The following PIK3R2 variants were observed in gnomAD, a reference collection of about 807,000 sequenced individuals.
PIK3R2 encodes the protein phosphatidylinositol 3-kinase regulatory subunit beta.
A neutral mutation model predicts 78.5 loss-of-function variants in PIK3R2; 40 were observed. The ratio of observed to expected loss-of-function variants is 0.51; its 90% CI spans 0.40 to 0.66. The LOEUF (loss-of-function observed/expected upper bound fraction) is 0.66. Among genes scored for constraint, PIK3R2 ranks in the 30% least tolerant of loss-of-function variants. PIK3R2 has a pLI of 0.00. For missense variants in PIK3R2, 880 were observed against 1,026.6 expected (o/e 0.86, Z 1.95); for synonymous variants, 473 against 457.7 (o/e 1.03, Z -0.43).
Position 18,169,359 on chromosome 19 carries a change from G to A in PIK3R2, c.*65G>A. On this transcript the variant is annotated 3_prime_UTR_variant, in exon 16 of 16. Transcript: ENST00000222254. ...CGTCTGCGCCGGAGGCTGCGGCGGC[G>A]GGAGCCACGGACCAGACCAGCCACA... The A allele has an allele frequency of 7.1e-6, 7 of 982,380 alleles. No individual in the cohort carries two copies. The highest frequency in any genetic ancestry group is 6.6e-6 in the Non-Finnish European group (5 of 756,898). The allele number at this position is 982,380 out of a possible 1,614,324, so 60.9% of individuals were successfully genotyped here. A position where few individuals can be genotyped will look rare whatever the true frequency, so the allele number is the denominator to read the frequency against.
rs2043744952 is a variant in PIK3R2, at chr19:18,161,444, T to TGCGCGCGCCGCCGCCGCC, written c.766_783dup (p.Arg256_Pro261dup). Reference sequence around the variant, plus strand: ...GGCGCCACCTTTGGGCCGCTGCTGCTGCGCGCGCCGCCGCCGCCGTCCTCG... The same window carrying TGCGCGCGCCGCCGCCGCC: ...GGCGCCACCTTTGGGCCGCTGCTGCTGCGCGCGCCGCCGCCGCCGCGCGCGCCGCCGCCGCCGTCCTCG... On this transcript the variant is annotated inframe_insertion, in exon 6 of 16. Transcript: ENST00000222254. The surrounding 1 kb of genome is among the most constrained non-coding windows in gnomAD (Gnocchi z 5.3). 1 of 1,200,148 alleles carries TGCGCGCGCCGCCGCCGCC rather than the reference T, an allele frequency of 8.3e-7. No homozygotes were observed. The highest frequency in any genetic ancestry group is 4.5e-5 in the Admixed American group (1 of 22,104). The allele number at this position is 1,200,148 out of a possible 1,614,324, so 74.3% of individuals were successfully genotyped here. A position where few individuals can be genotyped will look rare whatever the true frequency, so the allele number is the denominator to read the frequency against.
At chr19:18,162,901 A>C in intron 9 of PIK3R2, 66 bp from the exon 10 acceptor site, 2 of 1,445,158 alleles carry the variant, frequency 1.4e-6, no homozygotes, top group South Asian at 1.3e-5. Flanking sequence ...TCAAAAAAAA[A>C]GGGGACAGGG....
chr19:18,167,133 C>G lies in PIK3R2; in HGVS notation c.1563C>G (p.Ile521Met). 6.3e-7 allele frequency: 1 copy of G among 1,578,470 alleles called. No homozygotes were observed. Among genetic ancestry groups the G allele is most frequent in the Non-Finnish European group, 8.6e-7 (1 of 1,160,358 alleles). Reference protein sequence around the residue: ...REGNEKEMQRILLNSERLKSR... With the variant: ...REGNEKEMQRMLLNSERLKSR... ...CGCCACCCCACCCCTCCCACAGGAT[C>G]CTGCTGAACTCCGAGCGGCTCAAGT... The change falls in exon 13 of 16, where the codon ATC (isoleucine) becomes ATG (methionine). Residue 521 changes from isoleucine (I) to methionine (M), a missense_variant. By Grantham distance (10) the Ile-to-Met change is conservative. Transcript: ENST00000222254. This position sits in a 1 kb window ranked among gnomAD's most constrained non-coding sequence, Gnocchi z 4.5.
chr19:18,158,585 T>G (rs1599966931), intron 2 of PIK3R2, among the ~76,000 whole-genome samples: 1 of 151,186 alleles, frequency 6.6e-6, no homozygotes, highest in African/African-American at 2.4e-5. Context: ...TGAGCTAGGA[T>G]TGCGCCACTG....
At position 18,170,244 on chromosome 19, in the gene PIK3R2, C is replaced by T. The variant is rs140369571; in HGVS notation, c.*950C>T. The T allele has an allele frequency of 1.3e-5, 2 of 152,620 alleles. No individual in the cohort carries two copies. The highest frequency in any genetic ancestry group is 2.4e-5 in the African/African-American group (1 of 41,554). The allele number at this position is 152,620 out of a possible 1,614,324, so 9.5% of individuals were successfully genotyped here. On this transcript the variant is annotated 3_prime_UTR_variant, in exon 16 of 16. Coordinates refer to ENST00000222254, the MANE Select transcript of PIK3R2 (RefSeq NM_005027.4). ...AAATAAATAAACTTGTGAGCTGGCCCCAACCCCTCCTAGGAATCACAGCTC... is the reference window on the plus strand; with the variant it reads ...AAATAAATAAACTTGTGAGCTGGCCTCAACCCCTCCTAGGAATCACAGCTC...
chr19:18,165,247 C>T (rs775132988), intron 11 of PIK3R2, among the ~76,000 whole-genome samples: 7 of 151,404 alleles, frequency 4.6e-5, no homozygotes, highest in Non-Finnish European at 8.8e-5. Context: ...CACCTGTAAT[C>T]GCAGCTACTC....
chr19:18,167,069 G>A lies in PIK3R2; in HGVS notation c.1560-61G>A. 2.1e-6 allele frequency: 3 copies of A among 1,417,020 alleles called. No homozygotes were observed. Among genetic ancestry groups the A allele is most frequent in the Non-Finnish European group, 2.8e-6 (3 of 1,068,784 alleles). 87.8% of individuals were successfully genotyped at this position (1,417,020 alleles called of 1,614,324 possible). ...GAGGGTCACCTGAGCCCAGGAGTTT[G>A]AGGGTGCAGTGAGCCGAGATAAAAC... is the stretch of plus-strand genomic sequence containing the variant. On this transcript the variant is annotated intron_variant, in intron 12 of 15. Coordinates refer to ENST00000222254, the MANE Select transcript of PIK3R2 (RefSeq NM_005027.4). This position sits in a 1 kb window ranked among gnomAD's most constrained non-coding sequence, Gnocchi z 4.5.
In PIK3R2 at chr19:18,167,485, T is replaced by G. The variant is rs1467187392; in HGVS notation, c.1736+179T>G. 6.6e-6 allele frequency among the ~76,000 whole-genome samples: 1 copy of G among 152,146 alleles called. No homozygotes were observed. The highest frequency in any genetic ancestry group is 1.5e-5 in the Non-Finnish European group (1 of 68,020). ...GTTTTCCCATAGGTCAGCCTCAGCTTAGTCAGAGGTGTGTGCAATGGGAGT... is the reference window on the plus strand; with the variant it reads ...GTTTTCCCATAGGTCAGCCTCAGCTGAGTCAGAGGTGTGTGCAATGGGAGT... On this transcript the variant is annotated intron_variant, in intron 13 of 15. Transcript: ENST00000222254. This position sits in a 1 kb window ranked among gnomAD's most constrained non-coding sequence, Gnocchi z 4.5.
chr19:18,169,526 G>T lies in PIK3R2; in HGVS notation c.*232G>T. 3.0e-6 allele frequency: 1 copy of T among 334,102 alleles called. No homozygotes were observed. Among genetic ancestry groups the T allele is most frequent in the Non-Finnish European group, 5.5e-6 (1 of 183,192 alleles). 20.7% of individuals were successfully genotyped at this position (334,102 alleles called of 1,614,324 possible). ...CTTGGCCCCTGTCTCTCTCCATGTT[G>T]GGGGTCCTAACTCCCCCACCCCATA... On this transcript the variant is annotated 3_prime_UTR_variant, in exon 16 of 16. Coordinates refer to ENST00000222254, the MANE Select transcript of PIK3R2 (RefSeq NM_005027.4).
In PIK3R2 at chr19:18,161,898, C is replaced by G; in HGVS notation, c.816-68C>G. The G allele has an allele frequency of 1.5e-6, 2 of 1,337,628 alleles. No homozygotes were observed. Among genetic ancestry groups the G allele is most frequent in the Non-Finnish European group, 2.2e-6 (2 of 930,142 alleles). 82.9% of individuals were successfully genotyped at this position (1,337,628 alleles called of 1,614,324 possible). A position where few individuals can be genotyped will look rare whatever the true frequency, so the allele number is the denominator to read the frequency against. ...ACCCCCAGGCGTGCAAGCGCACGCA[C>G]AATCCTGTGCACATGCGTGGGCGGA... is the stretch of plus-strand genomic sequence containing the variant. On this transcript the variant is annotated intron_variant, in intron 6 of 15. Coordinates refer to ENST00000222254, the MANE Select transcript of PIK3R2 (RefSeq NM_005027.4). The surrounding 1 kb of genome is among the most constrained non-coding windows in gnomAD (Gnocchi z 5.3).
In PIK3R2 at chr19:18,156,761, C is replaced by G. The variant is rs2043682611; in HGVS notation, c.322+560C>G. 6.6e-6 allele frequency among the ~76,000 whole-genome samples: 1 copy of G among 152,136 alleles called. No homozygotes were observed. The highest frequency in any genetic ancestry group is 2.4e-5 in the African/African-American group (1 of 41,414). On this transcript the variant is annotated intron_variant, in intron 2 of 15. Coordinates refer to ENST00000222254, the MANE Select transcript of PIK3R2 (RefSeq NM_005027.4). This position sits in a 1 kb window ranked among gnomAD's most constrained non-coding sequence, Gnocchi z 4.2. ...AGGATGTGGGCTGCTCAGCTGAGGCCACACAGCACAGTGGGATATGAGGAC... is the reference window on the plus strand; with the variant it reads ...AGGATGTGGGCTGCTCAGCTGAGGCGACACAGCACAGTGGGATATGAGGAC...
In PIK3R2 at chr19:18,161,289, G is replaced by A; in HGVS notation, c.609G>A (p.Gly203=). 1.4e-6 allele frequency: 2 copies of A among 1,387,820 alleles called. No individual in the cohort carries two copies. Among genetic ancestry groups the A allele is most frequent in the Non-Finnish European group, 1.9e-6 (2 of 1,078,990 alleles). The allele number at this position is 1,387,820 out of a possible 1,614,324, so 86.0% of individuals were successfully genotyped here. ...GCCATCTGTCCGCAGAGGCCGCGGG[G>A]CCCGTGGGGCCGGCGCTGGAGCCAC... is the stretch of plus-strand genomic sequence containing the variant. ...EARRALREAA[G]PVGPALEPPT... is the part of the protein sequence containing the mutation. The change falls in exon 6 of 16, where the codon GGG becomes GGA. Residue 203 remains glycine, a synonymous_variant. Transcript: ENST00000222254. This position sits in a 1 kb window ranked among gnomAD's most constrained non-coding sequence, Gnocchi z 5.3.
In PIK3R2 at chr19:18,166,312, G is replaced by A. The variant is rs562886046; in HGVS notation, c.1559+10G>A. 1.2e-6 allele frequency: 2 copies of A among 1,612,358 alleles called. No homozygotes were observed. The highest frequency in any genetic ancestry group is 2.7e-5 in the African/African-American group (2 of 75,002). On this transcript the variant is annotated intron_variant, in intron 12 of 15. Coordinates refer to ENST00000222254, the MANE Select transcript of PIK3R2 (RefSeq NM_005027.4). ...AGAAAGAGATGCAAAGGTGAGTCTG[G>A]CGCCTCTGCCCTGCCCCACCCCACC... is the stretch of plus-strand genomic sequence containing the variant.
Position 18,168,089 on chromosome 19 carries a change from T to C in PIK3R2, c.1737-386T>C, listed in dbSNP as rs1333643506. Among the ~76,000 whole-genome samples the C allele has an allele frequency of 6.6e-6, 1 of 152,144 alleles. No individual in the cohort carries two copies. Among genetic ancestry groups the C allele is most frequent in the African/African-American group, 2.4e-5 (1 of 41,430 alleles). On this transcript the variant is annotated intron_variant, in intron 13 of 15. Coordinates refer to ENST00000222254, the MANE Select transcript of PIK3R2 (RefSeq NM_005027.4). This position sits in a 1 kb window ranked among gnomAD's most constrained non-coding sequence, Gnocchi z 4.1. ...CTCGTTATGAGTTCATTTGGTCCTTTTCAAGCCCTTTGTAAAGTTTGCCCT... is the reference window on the plus strand; with the variant it reads ...CTCGTTATGAGTTCATTTGGTCCTTCTCAAGCCCTTTGTAAAGTTTGCCCT...
At position 18,161,176 on chromosome 19, in the gene PIK3R2, G is replaced by A. The variant is rs1469287043; in HGVS notation, c.589G>A (p.Ala197Thr). The A allele has an allele frequency of 6.5e-7, 1 of 1,546,950 alleles. No individual in the cohort carries two copies. The change falls in exon 5 of 16, where the codon GCC becomes ACC. Residue 197 changes from alanine (A) to threonine (T), a missense_variant. By Grantham distance (58) the Ala-to-Thr change is moderately conservative. Coordinates refer to ENST00000222254, the MANE Select transcript of PIK3R2 (RefSeq NM_005027.4). The surrounding 1 kb of genome is among the most constrained non-coding windows in gnomAD (Gnocchi z 5.3). The stretch of plus-strand genomic sequence containing the variant: ...CGAGGCCTCGGCCGAGGCGCGCCGG[G>A]CCCTGCGGGGTGAGCCTGGCGGGTA... The part of the protein sequence containing the change: ...TPEASAEARR[A>T]LREAAGPVGP...
rs1162334265 is a variant in PIK3R2, at chr19:18,170,368, G to A, written c.*1074G>A. ...CTTCTCTTCGATCATGTTGGGTTTT[G>A]ATTCTGTTTTTCCTTGACTGCAAAA... On this transcript the variant is annotated 3_prime_UTR_variant, in exon 16 of 16. Transcript: ENST00000222254. 2.0e-5 allele frequency: 3 copies of A among 149,806 alleles called. No homozygotes were observed. The highest frequency in any genetic ancestry group is 7.7e-5 in the African/African-American group (3 of 39,162). 9.3% of individuals were successfully genotyped at this position (149,806 alleles called of 1,614,324 possible).
chr19:18,167,301 C>T lies in PIK3R2; in HGVS notation c.1731C>T (p.Tyr577=), dbSNP rs896263955. The T allele has an allele frequency of 1.9e-6, 3 of 1,585,416 alleles. No homozygotes were observed. In the African/African-American group the frequency reaches 4.1e-5, roughly 22 times the overall value. ...LMQLRKIRDQ[Y]LVWLTQKGAR... is the part of the protein sequence containing the mutation. ...AGCTGCGCAAGATCCGAGACCAGTACCTCGTGTAAGTGGCGGCTCCATACT... is the reference window on the plus strand; with the variant it reads ...AGCTGCGCAAGATCCGAGACCAGTATCTCGTGTAAGTGGCGGCTCCATACT... Residue 577 remains tyrosine (Y), a synonymous_variant, in exon 13 of 16, where the codon TAC becomes TAT. Coordinates refer to ENST00000222254, the MANE Select transcript of PIK3R2 (RefSeq NM_005027.4). This position sits in a 1 kb window ranked among gnomAD's most constrained non-coding sequence, Gnocchi z 4.5.
chr19:18,168,927 C>G lies in PIK3R2; in HGVS notation c.1979+31C>G. ...TGGACCGCAGCGGTGGGGATTCCCG[C>G]GTCCCTCCCAGAGCTCTCATTGAAT... is the stretch of plus-strand genomic sequence containing the variant. On this transcript the variant is annotated intron_variant, in intron 15 of 15. Coordinates refer to ENST00000222254, the MANE Select transcript of PIK3R2 (RefSeq NM_005027.4). The surrounding 1 kb of genome is among the most constrained non-coding windows in gnomAD (Gnocchi z 4.1). 1 of 1,597,842 alleles carries G rather than the reference C, an allele frequency of 6.3e-7. No homozygotes were observed. The highest frequency in any genetic ancestry group is 8.5e-7 in the Non-Finnish European group (1 of 1,171,684).
In PIK3R2 at chr19:18,161,961, C is replaced by G. The variant is rs74180869; in HGVS notation, c.816-5C>G. 1.2e-6 allele frequency: 2 copies of G among 1,613,566 alleles called. No homozygotes were observed. Among genetic ancestry groups the G allele is most frequent in the Admixed American group, 3.3e-5 (2 of 60,012 alleles). Reference sequence around the variant, plus strand: ...AGCCCTCACCACACTCCCCTTCCCCCTAAGGAGTGAGCCCAGCCCTGACTT... The same window carrying G: ...AGCCCTCACCACACTCCCCTTCCCCGTAAGGAGTGAGCCCAGCCCTGACTT... On this transcript the variant is annotated splice_region_variant and splice_polypyrimidine_tract_variant and intron_variant, in intron 6 of 15. Coordinates refer to ENST00000222254, the MANE Select transcript of PIK3R2 (RefSeq NM_005027.4). The surrounding 1 kb of genome is among the most constrained non-coding windows in gnomAD (Gnocchi z 5.3).
Sources: allele counts gnomAD v4.1 joint callset (sites outside exome capture counted in the v4.1 genomes callset), GRCh38; gene constraint gnomAD v4.1.1; non-coding constraint Gnocchi (gnomAD v3.1); transcripts MANE v1.5; gene names NCBI Gene and HGNC (gene_info 2026-07-23, HGNC 2026-07-21).